Variants in CNKSR2 observed in about 807,000 individuals in gnomAD.
The protein encoded by CNKSR2 is CNK homolog protein 2.
CNKSR2 carries 14 observed loss-of-function variants against 84.4 expected under a neutral mutation model. That is an observed-to-expected ratio of 0.17 (90% confidence interval 0.11 to 0.26). The LOEUF is 0.26. CNKSR2 is among the 10% of genes least tolerant of loss of function. CNKSR2 has a pLI of 1.00. For missense variants in CNKSR2, 485 were observed against 771.2 expected (o/e 0.63, Z 4.40); for synonymous variants, 275 against 277.9 (o/e 0.99, Z 0.10).
chrX:21,402,073 A>G (rs2090198924), intron 1 of CNKSR2, among the ~76,000 whole-genome samples: 1 of 110,952 alleles, frequency 9.0e-6, no homozygotes, highest in South Asian at 3.8e-4. Flanking sequence ...CCCAATAGTG[A>G]CCCTTATTTT....
At chrX:21,421,120 G>A (rs1465999763) in intron 1 of CNKSR2, among the ~76,000 whole-genome samples, 1 of 110,724 alleles carries the variant, frequency 9.0e-6, no homozygotes, top group Non-Finnish European at 1.9e-5. Context: ...CTCTGTGGGT[G>A]GGCATCAGCT....
chrX:21,438,027 T>G (rs2090732424), intron 3 of CNKSR2, among the ~76,000 whole-genome samples: 1 of 111,844 alleles, frequency 8.9e-6, no homozygotes, highest in African/African-American at 3.3e-5. Flanking sequence ...ATACTGGGTT[T>G]AGGAGTAGGA....
chrX:21,414,585 T>C (rs1372289168), intron 1 of CNKSR2, among the ~76,000 whole-genome samples: 1 of 111,177 alleles, frequency 9.0e-6, no homozygotes, highest in African/African-American at 3.3e-5. Context: ...ATTTGTTCAT[T>C]TTTGCTTTGG....
intron 1 of CNKSR2, among the ~76,000 whole-genome samples, chrX:21,398,193 T>A (rs998022521): frequency 8.9e-6 from 1 of 111,816 alleles, no homozygotes; most frequent in Non-Finnish European, 1.9e-5. Flanking sequence ...ATTGTATGCA[T>A]CATAGTGAAA....
At chrX:21,540,864 A>G (rs751444561) in intron 11 of CNKSR2, among the ~76,000 whole-genome samples, 3 of 112,561 alleles carry the variant, frequency 2.7e-5, no homozygotes, top group South Asian at 7.3e-4. Context: ...TGTAGTTGCT[A>G]TATTTTCCTT....
At chrX:21,508,703 T>G (rs1486647152) in intron 8 of CNKSR2, among the ~76,000 whole-genome samples, 2 of 111,860 alleles carry the variant, frequency 1.8e-5, no homozygotes, top group Non-Finnish European at 3.8e-5. Flanking sequence ...GATGCTGAAC[T>G]ATACCCACAG....
chrX:21,384,175 G>C (rs1337180107), intron 1 of CNKSR2, among the ~76,000 whole-genome samples: 2 of 111,879 alleles, frequency 1.8e-5, no homozygotes, highest in Admixed American at 9.5e-5. Context: ...CCAGTGGCTA[G>C]TTTTCCTCCT....
chrX:21,641,322 A>G (rs1172190113), intron 20 of CNKSR2, among the ~76,000 whole-genome samples: 1 of 112,044 alleles, frequency 8.9e-6, no homozygotes, highest in Non-Finnish European at 1.9e-5. Flanking sequence ...ACCAAAGTTT[A>G]AAGCAAAAGG....
At chrX:21,503,485 T>C in intron 8 of CNKSR2, 1 of 270,487 alleles carries the variant, frequency 3.7e-6, no homozygotes, top group South Asian at 2.4e-4. Context: ...GCAAATAAGG[T>C]ATATGTAGAA....
At chrX:21,506,670 T>C (rs922947597) in intron 8 of CNKSR2, 1 of 111,690 alleles carries the variant, frequency 9.0e-6, no homozygotes, top group African/African-American at 3.2e-5. Flanking sequence ...TGTTAACCAA[T>C]TTATTTTCTC....
At chrX:21,390,439 G>A (rs910743190) in intron 1 of CNKSR2, among the ~76,000 whole-genome samples, 8 of 111,096 alleles carry the variant, frequency 7.2e-5, no homozygotes, top group African/African-American at 1.6e-4. Context: ...CAATCATGGC[G>A]GAAGGTGAAG....
intron 11 of CNKSR2, among the ~76,000 whole-genome samples, chrX:21,535,228 T>G (rs1025838462): frequency 9.0e-6 from 1 of 111,525 alleles, no homozygotes. Flanking sequence ...TCTGTTTGAT[T>G]GGGCTGTGTG....
intron 20 of CNKSR2, chrX:21,641,415 C>G (rs1233824232): frequency 2.3e-6 from 2 of 884,270 alleles, no homozygotes; most frequent in East Asian, 7.1e-5. Context: ...CCATATTTTT[C>G]TACTTTCTCT....
chrX:21,400,997 G>A (rs943052006), intron 1 of CNKSR2, among the ~76,000 whole-genome samples: 3 of 111,368 alleles, frequency 2.7e-5, no homozygotes, highest in Admixed American at 9.6e-5. Context: ...TGCAAGTAGA[G>A]TTTTAAAAGA....
chrX:21,477,857 G>T (rs2091276111), intron 5 of CNKSR2, among the ~76,000 whole-genome samples: 1 of 111,810 alleles, frequency 8.9e-6, no homozygotes. Flanking sequence ...TGAAAACAAT[G>T]GTACTCTAGT....
chrX:21,394,530 G>A (rs1023999809), intron 1 of CNKSR2, among the ~76,000 whole-genome samples: 11 of 111,024 alleles, frequency 9.9e-5, no homozygotes, highest in Admixed American at 6.7e-4. Context: ...TTATTAGAAT[G>A]GTATATTCCA....
intron 13 of CNKSR2, among the ~76,000 whole-genome samples, chrX:21,563,687 A>G (rs981870564): frequency 4.5e-5 from 5 of 111,957 alleles, no homozygotes; most frequent in African/African-American, 1.3e-4. Context: ...CTTAATATGC[A>G]CAAAATTGAT....
At chrX:21,436,683 T>A in intron 3 of CNKSR2, among the ~76,000 whole-genome samples, 1 of 111,693 alleles carries the variant, frequency 9.0e-6, no homozygotes, top group African/African-American at 3.2e-5. Flanking sequence ...TCTTCAGACT[T>A]AAGAACAGTT....
Position 21,614,222 on chromosome X carries a change from T to G in CNKSR2, c.2692+4605T>G, listed in dbSNP as rs183206954. On this transcript the variant is annotated intron_variant, in intron 20 of 21. Coordinates refer to ENST00000379510, the MANE Select transcript of CNKSR2 (RefSeq NM_014927.5). Reference sequence around the variant, plus strand: ...TTTCCTGAAGATTTTCTAAAGGTCATGAATTCTATTTTTAAGAACATTAAA... The same window carrying G: ...TTTCCTGAAGATTTTCTAAAGGTCAGGAATTCTATTTTTAAGAACATTAAA... 2.2e-3 allele frequency among the ~76,000 whole-genome samples: 245 copies of G among 111,289 alleles called. 3 individuals are homozygous for G. Among genetic ancestry groups the G allele is most frequent in the Non-Finnish European group, 4.0e-3 (213 of 53,048 alleles).
Sources: gnomAD v4.1 joint callset for allele counts (sites outside exome capture counted in the v4.1 genomes callset) on GRCh38, gnomAD v4.1.1 for gene constraint, MANE v1.5 for transcripts, NCBI Gene and HGNC (gene_info 2026-07-23, HGNC 2026-07-21) for gene names.